The following MAPK10 variants were observed in gnomAD, a reference collection of about 807,000 sequenced individuals.
MAPK10 encodes the protein mitogen-activated protein kinase 10.
Under a neutral mutation model 59.3 loss-of-function variants are expected in MAPK10, and 25 were observed. That is an observed-to-expected ratio of 0.42 (90% confidence interval 0.31 to 0.59). The LOEUF (loss-of-function observed/expected upper bound fraction) is 0.59. Among genes scored for constraint, MAPK10 ranks in the 20% least tolerant of loss-of-function variants. MAPK10 has a pLI of 0.15. For missense variants in MAPK10, 351 were observed against 568.9 expected, an observed-to-expected ratio of 0.62 and a Z score of 3.90; for synonymous variants, 190 against 200.5, an observed-to-expected ratio of 0.95 and a Z score of 0.44.
intron 4 of MAPK10, among the ~76,000 whole-genome samples, chr4:86,134,394 T>C (rs184972601): frequency 0.015 from 2,217 of 152,178 alleles, 33 homozygotes; most frequent in Middle Eastern, 0.017. Context: ...CTCTGAAAAA[T>C]TGAAAATATC....
At chr4:86,046,639 G>A (rs183921889) in intron 11 of MAPK10, among the ~76,000 whole-genome samples, 1 of 152,198 alleles carries the variant, frequency 6.6e-6, no homozygotes, top group African/African-American at 2.4e-5. Context: ...AATTGGTCAG[G>A]TAAAGAGATG....
At chr4:86,381,871 T>C (rs114112478) in intron 1 of MAPK10, among the ~76,000 whole-genome samples, 1,770 of 151,988 alleles carry the variant, frequency 0.012, 18 homozygotes, top group Non-Finnish European at 0.018. Flanking sequence ...GAGTCACCCG[T>C]TTTGTGAGGA....
At chr4:86,152,780 T>TA (rs941298799) in intron 4 of MAPK10, among the ~76,000 whole-genome samples, 6 of 152,088 alleles carry the variant, frequency 3.9e-5, no homozygotes, top group Middle Eastern at 6.8e-3. Context: ...CTATCTTTTT[T>TA]AAAAAAAACA....
chr4:86,276,543 C>T (rs551533847), intron 2 of MAPK10, among the ~76,000 whole-genome samples: 15 of 152,264 alleles, frequency 9.9e-5, no homozygotes, highest in Admixed American at 2.0e-4. Flanking sequence ...AAATTAGATA[C>T]ATTTCTAGCT....
intron 2 of MAPK10, among the ~76,000 whole-genome samples, chr4:86,344,446 G>A (rs1258982478): frequency 6.6e-6 from 1 of 152,152 alleles, no homozygotes; most frequent in Non-Finnish European, 1.5e-5. Flanking sequence ...CTATCCTACT[G>A]TGTGGGATTT....
intron 1 of MAPK10, among the ~76,000 whole-genome samples, chr4:86,507,665 TATATATAA>T (rs1755895484): frequency 9.6e-6 from 1 of 104,484 alleles, no homozygotes; most frequent in Non-Finnish European, 2.0e-5. Context: ...TATATATATA[TATATATAA>T]AATCATGTGT....
chr4:86,467,797 C>A lies in MAPK10; in HGVS notation c.-262-113153G>T, dbSNP rs373196643. 1.4e-4 allele frequency among the ~76,000 whole-genome samples: 21 copies of A among 152,264 alleles called. No homozygotes were observed. In the South Asian group the frequency reaches 3.7e-3, roughly 27 times the overall value. On this transcript the variant is annotated intron_variant, in intron 1 of 4. Coordinates refer to the MAPK10 transcript ENST00000502302. ...CCTCCCAAAGTGCGGGAATGGCAGG[C>A]GTGAGCCACGGCACCCAGCCTACCA...
At chr4:86,367,594 G>T (rs1373906582) in intron 1 of MAPK10, among the ~76,000 whole-genome samples, 2 of 151,950 alleles carry the variant, frequency 1.3e-5, no homozygotes, top group African/African-American at 2.4e-5. Flanking sequence ...TTCTCAGAAA[G>T]AAACATTTAA....
chr4:86,038,422 T>A (rs538510488), intron 11 of MAPK10, among the ~76,000 whole-genome samples: 1 of 152,234 alleles, frequency 6.6e-6, no homozygotes, highest in Non-Finnish European at 1.5e-5. Flanking sequence ...AAAAGATGCA[T>A]GCTTTATTAA....
intron 3 of MAPK10, among the ~76,000 whole-genome samples, chr4:86,187,725 A>G (rs1189481069): frequency 6.6e-6 from 1 of 152,154 alleles, no homozygotes; most frequent in African/African-American, 2.4e-5. Context: ...TCTAACTTAA[A>G]TGAATTAGAA....
chr4:86,517,943 T>C (rs369861334), intron 1 of MAPK10, among the ~76,000 whole-genome samples: 1 of 152,204 alleles, frequency 6.6e-6, no homozygotes, highest in East Asian at 1.9e-4. Context: ...AAAATTACTG[T>C]TTCAATCTTG....
intron 2 of MAPK10, among the ~76,000 whole-genome samples, chr4:86,206,847 T>C (rs1287466426): frequency 6.6e-6 from 1 of 152,184 alleles, no homozygotes; most frequent in African/African-American, 2.4e-5. Context: ...ATGTCTTCTT[T>C]TGAGAAGTGT....
chr4:86,139,021 A>G lies in MAPK10; in HGVS notation c.236+20277T>C, dbSNP rs1342705619. On this transcript the variant is annotated intron_variant, in intron 4 of 13. Coordinates refer to ENST00000641462, the MANE Select transcript of MAPK10 (RefSeq NM_138982.4). ...AGGAGAACTACAAACCACTGCTCAA[A>G]GAAATAAAAGAGGATACAAACAAAT... 2.0e-3 allele frequency among the ~76,000 whole-genome samples: 167 copies of G among 83,060 alleles called. 2 individuals are homozygous for G. The highest frequency in any genetic ancestry group is 4.4e-3 in the African/African-American group (156 of 35,098). 54.5% of individuals were successfully genotyped at this position (83,060 alleles called of 152,430 possible).
At chr4:86,318,917 G>C (rs920362597) in intron 2 of MAPK10, among the ~76,000 whole-genome samples, 10 of 151,976 alleles carry the variant, frequency 6.6e-5, no homozygotes, top group African/African-American at 2.4e-4. Flanking sequence ...AATTAAAGTG[G>C]GACAGCCTAG....
chr4:86,366,444 G>A (rs1737913863), intron 1 of MAPK10, among the ~76,000 whole-genome samples: 1 of 152,066 alleles, frequency 6.6e-6, no homozygotes, highest in African/African-American at 2.4e-5. Flanking sequence ...TTCCTCTTGG[G>A]AAAGAGGAAA....
intron 2 of MAPK10, among the ~76,000 whole-genome samples, chr4:86,305,156 T>C (rs2095544401): frequency 6.6e-6 from 1 of 152,208 alleles, no homozygotes; most frequent in South Asian, 2.1e-4. Context: ...CTGAGCCTTT[T>C]TCCAAATATT....
chr4:86,364,545 A>G (rs1043916226), upstream of MAPK10, among the ~76,000 whole-genome samples: 1 of 152,010 alleles, frequency 6.6e-6, no homozygotes, highest in Admixed American at 6.6e-5. Context: ...TACTCATTTC[A>G]ATTATATTTA....
chr4:86,414,534 T>C (rs1745617176), intron 1 of MAPK10, among the ~76,000 whole-genome samples: 1 of 152,124 alleles, frequency 6.6e-6, no homozygotes, highest in East Asian at 1.9e-4. Context: ...ACACACAGAG[T>C]AGTGTACAGC....
intron 2 of MAPK10, among the ~76,000 whole-genome samples, chr4:86,212,895 C>T (rs2086250824): frequency 6.6e-6 from 1 of 152,142 alleles, no homozygotes; most frequent in Admixed American, 6.5e-5. Context: ...AGCTAATAGA[C>T]GTATACAGAA....
Sources: gnomAD v4.1 joint callset for allele counts (sites outside exome capture counted in the v4.1 genomes callset) on GRCh38, gnomAD v4.1.1 for gene constraint, MANE v1.5 for transcripts, NCBI Gene and HGNC (gene_info 2026-07-23, HGNC 2026-07-21) for gene names.